Variants in C11orf54 observed in about 807,000 individuals in gnomAD.
C11orf54 encodes the protein beta-keto-L-gulonate decarboxylase, also known as beta-keto L-gulonate decarboxylase.
Under a neutral mutation model 35.5 loss-of-function variants are expected in C11orf54, and 29 were observed. The observed-to-expected ratio is 0.82, with a 90% confidence interval of 0.61 to 1.11. The LOEUF (loss-of-function observed/expected upper bound fraction) is 1.11. Ranked by LOEUF, C11orf54 falls within the 50% of genes most tolerant of loss-of-function variation. The pLI, the probability that C11orf54 is intolerant of heterozygous loss-of-function variation, is 0.00. For synonymous variants in C11orf54, 108 were observed against 121.1 expected (o/e 0.89, Z 0.71); for missense variants, 373 against 369.2 (o/e 1.01, Z -0.08).
At chr11:93,747,525 C>T (rs928791713) in intron 2 of C11orf54, 77 bp downstream of exon 2, 2 of 1,013,918 alleles carry the variant, frequency 2.0e-6, no homozygotes, top group African/African-American at 1.7e-5. Context: ...TAAGATCTAT[C>T]TATATCTTAC....
At chr11:93,748,392 C>A (rs372640882) in intron 2 of C11orf54, among the ~76,000 whole-genome samples, 1 of 152,138 alleles carries the variant, frequency 6.6e-6, no homozygotes, top group South Asian at 2.1e-4. Flanking sequence ...ACTCGATGCT[C>A]CTGCCTCGGC....
At chr11:93,748,705 G>A (rs1591338702) in intron 2 of C11orf54, among the ~76,000 whole-genome samples, 1 of 151,656 alleles carries the variant, frequency 6.6e-6, no homozygotes, top group Non-Finnish European at 1.5e-5. Flanking sequence ...GTGTGGTGGT[G>A]TGTGCCAGTA....
rs2036283199 is a variant in C11orf54 at position 93,761,674 on chromosome 11, A to G, written c.934A>G (p.Ile312Val). 15 of 1,594,790 alleles carry G rather than the reference A, an allele frequency of 9.4e-6. No individual in the cohort carries two copies. The highest frequency in any genetic ancestry group is 4.1e-5 in the African/African-American group (3 of 73,990). The part of the protein sequence containing the change: ...RIDQPKETHS[I>V]GRD The stretch of plus-strand genomic sequence containing the variant: ...TGATCAACCAAAAGAGACGCATTCA[A>G]TTGGGCGAGATTAAATCAGCTGATA... The change falls in exon 9 of 9, where the codon ATT (isoleucine) becomes GTT (valine). Residue 312 changes from isoleucine to valine, a missense_variant. Physicochemically the swap from Ile to Val is conservative, Grantham distance 29 (BLOSUM62 3). Coordinates refer to ENST00000354421, the MANE Select transcript of C11orf54 (RefSeq NM_001286069.2).
At position 93,757,398 on chromosome 11, in the gene C11orf54, G is replaced by A; in HGVS notation, c.590G>A (p.Gly197Glu). Residue 197 changes from glycine (G) to glutamate (E), a missense_variant, in exon 7 of 9, where the codon GGA (glycine) becomes GAA (glutamate). By Grantham distance (98) the Gly-to-Glu change is moderately conservative. Coordinates refer to ENST00000354421, the MANE Select transcript of C11orf54 (RefSeq NM_001286069.2). ...AGAGAGACCCTGGAAAAACATTATG[G>A]AAATAAGCCTATAGGAATGGGAGGT... is the stretch of plus-strand genomic sequence containing the variant. ...CMRETLEKHYGNKPIGMGGTF... is the reference protein window; with the variant it reads ...CMRETLEKHYENKPIGMGGTF... The A allele has an allele frequency of 6.3e-7, 1 of 1,598,196 alleles. No homozygotes were observed. The highest frequency in any genetic ancestry group is 8.5e-7 in the Non-Finnish European group (1 of 1,179,684).
chr11:93,751,214 C>G (rs1219388007), intron 3 of C11orf54, among the ~76,000 whole-genome samples: 2 of 152,044 alleles, frequency 1.3e-5, no homozygotes, highest in African/African-American at 4.8e-5. Context: ...CTAGTTCTGT[C>G]TTAGAACAAA....
chr11:93,759,537 C>G (rs1035000847), intron 7 of C11orf54, among the ~76,000 whole-genome samples: 26 of 152,064 alleles, frequency 1.7e-4, no homozygotes, highest in Non-Finnish European at 3.2e-4. Context: ...AGGAGAAATA[C>G]CTAATGTAGG....
chr11:93,760,290 T>C (rs776107215), intron 8 of C11orf54, among the ~76,000 whole-genome samples: 2 of 152,122 alleles, frequency 1.3e-5, no homozygotes, highest in Non-Finnish European at 2.9e-5. Context: ...TAGAATTATT[T>C]TGGAAGATAA....
rs1942983638 is a variant in C11orf54, at chr11:93,753,938, T to G, written c.231T>G (p.Val77=). 1.9e-6 allele frequency: 3 copies of G among 1,613,648 alleles called. No homozygotes were observed. The East Asian group carries it at 6.7e-5, about 36-fold the overall frequency. Residue 77 remains valine, a splice_region_variant and synonymous_variant, in exon 5 of 9, where the codon GTT becomes GTG. Transcript: ENST00000354421. The part of the protein sequence containing the change: ...YLLPLVNQKK[V]YDLNKIAKEI... The stretch of plus-strand genomic sequence containing the variant: ...TAATATTTTTTCCTCTTCTATAGGT[T>G]TATGATCTGAATAAAATTGCAAAAG...
intron 2 of C11orf54, 70 bp downstream of exon 2, chr11:93,747,518 GATCT>G (rs1942540904): frequency 8.1e-7 from 1 of 1,229,726 alleles, no homozygotes; most frequent in African/African-American, 1.6e-5. Context: ...AAGATTCTAA[GATCT>G]ATCTATATCT....
chr11:93,758,729 A>G (rs1943298728), intron 7 of C11orf54, among the ~76,000 whole-genome samples: 1 of 152,266 alleles, frequency 6.6e-6, no homozygotes, highest in African/African-American at 2.4e-5. Flanking sequence ...AGGGAAGCTG[A>G]GCGGCGGCTG....
At chr11:93,747,725 A>G (rs1942560654) in intron 2 of C11orf54, among the ~76,000 whole-genome samples, 1 of 152,216 alleles carries the variant, frequency 6.6e-6, no homozygotes, top group Non-Finnish European at 1.5e-5. Context: ...ACTTTACAAG[A>G]TGTAAATGAT....
rs1353126612 is a variant in C11orf54 at position 93,763,938 on chromosome 11, C to T, written c.*2250C>T. On this transcript the variant is annotated 3_prime_UTR_variant, in exon 9 of 9. Coordinates refer to ENST00000354421, the MANE Select transcript of C11orf54 (RefSeq NM_001286069.2). ...AGGGAGTAGGGCCAGAGTGATGTTT[C>T]TTGCATGTGGTTTGAATTTCCCACT... The T allele has an allele frequency of 6.6e-6, 1 of 152,230 alleles. No individual in the cohort carries two copies. Among genetic ancestry groups the T allele is most frequent in the East Asian group, 1.9e-4 (1 of 5,196 alleles). 9.4% of individuals were successfully genotyped at this position (152,230 alleles called of 1,614,324 possible).
At position 93,755,217 on chromosome 11, in the gene C11orf54, C is replaced by T. The variant is rs201063419; in HGVS notation, c.338C>T (p.Pro113Leu). 2 of 1,613,604 alleles carry T rather than the reference C, an allele frequency of 1.2e-6. No individual in the cohort carries two copies. Among genetic ancestry groups the T allele is most frequent in the Middle Eastern group, 3.3e-4 (2 of 6,058 alleles). The change falls in exon 6 of 9, where the codon CCA becomes CTA. Residue 113 changes from proline to leucine, a missense_variant. By Grantham distance (98) the Pro-to-Leu change is moderately conservative. Transcript: ENST00000354421. ...GCCTCACTTTCTTTTCAGTTTATGC[C>T]AGTTATTCAGACAGAAAGTGAACAC... The part of the protein sequence containing the change: ...QTLGFNSEFM[P>L]VIQTESEHKP...
At chr11:93,756,526 C>A (rs975840176) in intron 6 of C11orf54, among the ~76,000 whole-genome samples, 1 of 150,928 alleles carries the variant, frequency 6.6e-6, no homozygotes, top group East Asian at 1.9e-4. Context: ...TAAGCAAGAC[C>A]TTTTTCTGAG....
intron 8 of C11orf54, 94 bp from the exon 9 acceptor site, chr11:93,761,421 A>G: frequency 1.7e-6 from 2 of 1,208,348 alleles, no homozygotes; most frequent in South Asian, 3.2e-5. Context: ...CCTATTTAAA[A>G]AATAAAAACT....
chr11:93,756,463 T>C (rs961754306), intron 6 of C11orf54, among the ~76,000 whole-genome samples: 1 of 147,972 alleles, frequency 6.8e-6, no homozygotes, highest in East Asian at 2.0e-4. Flanking sequence ...ACTGCACTCC[T>C]ACCTAGGTGA....
chr11:93,751,820 C>CTTTTTTT (rs35146074), intron 3 of C11orf54, among the ~76,000 whole-genome samples: 17 of 80,228 alleles, frequency 2.1e-4, no homozygotes, highest in East Asian at 3.8e-4. Flanking sequence ...AATGGTTAAT[C>CTTTTTTT]TTTTTTTTTT....
At chr11:93,748,404 A>G (rs1942601981) in intron 2 of C11orf54, among the ~76,000 whole-genome samples, 1 of 151,900 alleles carries the variant, frequency 6.6e-6, no homozygotes, top group Non-Finnish European at 1.5e-5. Flanking sequence ...TGCCTCGGCC[A>G]CCCAAAGTGT....
chr11:93,755,533 T>C (rs1943087827), intron 6 of C11orf54, 147 bp downstream of exon 6: 3 of 805,132 alleles, frequency 3.7e-6, no homozygotes, highest in South Asian at 3.6e-5. Flanking sequence ...TGAGGTCAAC[T>C]TGAGGTCAGG....
Sources: allele counts gnomAD v4.1 joint callset (sites outside exome capture counted in the v4.1 genomes callset), GRCh38; gene constraint gnomAD v4.1.1; transcripts MANE v1.5; gene names NCBI Gene and HGNC (gene_info 2026-07-23, HGNC 2026-07-21).